The following UBE3D variants were observed in gnomAD, a reference collection of about 807,000 sequenced individuals.
The protein encoded by UBE3D is ubiquitin protein ligase E3D, also known as E3 ubiquitin-protein ligase E3D.
UBE3D carries 48 observed loss-of-function variants against 49.6 expected under a neutral mutation model. That is an observed-to-expected ratio of 0.97 (90% CI 0.77 to 1.23). The LOEUF (loss-of-function observed/expected upper bound fraction) is 1.23. Among genes scored for constraint, UBE3D ranks in the 50% most tolerant of loss-of-function variants. The pLI is 0.00. For missense variants in UBE3D, 452 were observed against 468.4 expected (o/e 0.96, Z 0.32); for synonymous variants, 189 against 174.2 (o/e 1.08, Z -0.67).
At chr6:83,011,056 T>C (rs950976994) in intron 8 of UBE3D, among the ~76,000 whole-genome samples, 6 of 152,158 alleles carry the variant, frequency 3.9e-5, no homozygotes, top group African/African-American at 1.4e-4. Context: ...AATAAGGTCA[T>C]AATTACGCCT....
chr6:82,996,703 A>G (rs893995011), intron 8 of UBE3D, among the ~76,000 whole-genome samples: 1 of 152,204 alleles, frequency 6.6e-6, no homozygotes, highest in Admixed American at 6.5e-5. Flanking sequence ...TTTTCTCCAA[A>G]CCCACAACCC....
At position 83,024,029 on chromosome 6, in the gene UBE3D, T is replaced by C; in HGVS notation, c.677A>G (p.Lys226Arg). The C allele has an allele frequency of 6.6e-7, 1 of 1,525,636 alleles. No homozygotes were observed. Among genetic ancestry groups the C allele is most frequent in the East Asian group, 2.4e-5 (1 of 41,944 alleles). 94.5% of individuals were successfully genotyped at this position (1,525,636 alleles called of 1,614,324 possible). Residue 226 changes from lysine (K) to arginine (R), a missense_variant, in exon 6 of 10, where the codon AAG (lysine) becomes AGG (arginine). Lys to Arg is a conservative substitution (Grantham distance 26). Coordinates refer to ENST00000369747, the MANE Select transcript of UBE3D (RefSeq NM_198920.3). The stretch of plus-strand genomic sequence containing the variant: ...AATAATTATCTCTGTCATATAAAAC[T>C]TGGTGGTTTCTAGAAACAAAAAAGA... ...LGETVSSETTKFYMTEIIIQS... is the reference protein window; with the variant it reads ...LGETVSSETTRFYMTEIIIQS...
chr6:82,982,407 A>G (rs1778175017), intron 8 of UBE3D, among the ~76,000 whole-genome samples: 1 of 152,178 alleles, frequency 6.6e-6, no homozygotes, highest in African/African-American at 2.4e-5. Context: ...TAAGGTCCAC[A>G]TATTATTAAT....
At chr6:82,975,841 C>T (rs576964986) in intron 8 of UBE3D, among the ~76,000 whole-genome samples, 168 of 152,118 alleles carry the variant, frequency 1.1e-3, no homozygotes, top group African/African-American at 3.9e-3. Context: ...AATGTATTAC[C>T]TATAAATTGA....
intron 2 of UBE3D, among the ~76,000 whole-genome samples, chr6:83,057,110 A>G (rs998028905): frequency 6.6e-6 from 1 of 152,208 alleles, no homozygotes; most frequent in African/African-American, 2.4e-5. Context: ...CAAATTAAGT[A>G]TCAAACTCAA....
At chr6:82,910,245 G>A (rs571106632) in intron 9 of UBE3D, among the ~76,000 whole-genome samples, 102 of 152,274 alleles carry the variant, frequency 6.7e-4, no homozygotes, top group African/African-American at 2.1e-3. Flanking sequence ...GACCATTCAT[G>A]TGGAAGCACA....
intron 8 of UBE3D, among the ~76,000 whole-genome samples, chr6:82,993,543 A>T (rs920036921): frequency 1.2e-4 from 18 of 152,276 alleles, no homozygotes; most frequent in African/African-American, 4.3e-4. Flanking sequence ...GATACCTAAT[A>T]CAATGCCTAC....
Position 83,065,261 on chromosome 6 carries a change from GAC to G in UBE3D, c.77+379_77+380del, listed in dbSNP as rs1784418868. On this transcript the variant is annotated intron_variant, in intron 1 of 9. Coordinates refer to ENST00000369747, the MANE Select transcript of UBE3D (RefSeq NM_198920.3). ...TCCAGTAAGGAGGATCCCGAAGAGA[GAC>G]AGACAAATCATTTTTTGCATTGTTT... Among the ~76,000 whole-genome samples the G allele has an allele frequency of 3.9e-5, 6 of 152,336 alleles. No homozygotes were observed. The East Asian group carries it at 1.2e-3, about 29-fold the overall frequency.
At chr6:83,052,024 T>G (rs751461523) in intron 3 of UBE3D, among the ~76,000 whole-genome samples, 27 of 152,106 alleles carry the variant, frequency 1.8e-4, no homozygotes, top group Non-Finnish European at 3.4e-4. Context: ...CTGAGGAGGA[T>G]GATGATGATG....
intron 9 of UBE3D, among the ~76,000 whole-genome samples, chr6:82,916,489 C>CTT (rs1241805350): frequency 6.6e-6 from 1 of 152,140 alleles, no homozygotes; most frequent in East Asian, 1.9e-4. Context: ...TGAAGGCTGG[C>CTT]ACAATCAGAA....
At chr6:82,985,008 C>CTTTTTTTTTTTTTTTTTTT (rs70987727) in intron 8 of UBE3D, among the ~76,000 whole-genome samples, 3 of 52,996 alleles carry the variant, frequency 5.7e-5, no homozygotes, top group African/African-American at 1.5e-4. Flanking sequence ...TCTTCTTCTT[C>CTTTTTTTTTTTTTTTTTTT]TTTTTTTTTT....
chr6:82,976,192 C>G (rs1024625079), intron 8 of UBE3D, among the ~76,000 whole-genome samples: 1 of 152,208 alleles, frequency 6.6e-6, no homozygotes, highest in Non-Finnish European at 1.5e-5. Flanking sequence ...CAACCAAACA[C>G]TCAACCTAAC....
chr6:82,972,148 C>T (rs889777428), intron 8 of UBE3D, among the ~76,000 whole-genome samples: 2 of 152,170 alleles, frequency 1.3e-5, no homozygotes, highest in Admixed American at 1.3e-4. Context: ...AGTTCCATTC[C>T]TACCCTCACA....
At chr6:82,973,572 C>T (rs1777502627) in intron 8 of UBE3D, among the ~76,000 whole-genome samples, 1 of 39,838 alleles carries the variant, frequency 2.5e-5, no homozygotes, top group African/African-American at 6.0e-5. Flanking sequence ...GAATTCTTAG[C>T]TTCTTTCCTT....
intron 9 of UBE3D, among the ~76,000 whole-genome samples, chr6:82,909,127 G>A (rs993713812): frequency 5.9e-5 from 9 of 152,254 alleles, no homozygotes; most frequent in Admixed American, 3.3e-4. Flanking sequence ...AACTGGCAAC[G>A]GACTTCTGTG....
At chr6:82,977,045 C>T (rs1416748708) in intron 8 of UBE3D, among the ~76,000 whole-genome samples, 4 of 125,128 alleles carry the variant, frequency 3.2e-5, no homozygotes, top group Non-Finnish European at 3.2e-5. Context: ...ACCCGGGAGG[C>T]GGAGCTTGCA....
intron 8 of UBE3D, among the ~76,000 whole-genome samples, chr6:83,003,356 A>C: frequency 6.6e-6 from 1 of 152,214 alleles, no homozygotes; most frequent in East Asian, 1.9e-4. Flanking sequence ...TCTGAAGAGA[A>C]TAACTGCTTT....
rs1164222104 is a variant in UBE3D, at chr6:82,939,964, C to T, written c.1149+17348G>A. 2.0e-5 allele frequency among the ~76,000 whole-genome samples: 3 copies of T among 152,194 alleles called. No individual in the cohort carries two copies. In the East Asian group the frequency reaches 5.8e-4, roughly 29 times the overall value. Reference sequence around the variant, plus strand: ...ATCAGACCTCCCCTACGAAGTGCTACAGAAAGCACAGAAACTGTCCAGCTT... The same window carrying T: ...ATCAGACCTCCCCTACGAAGTGCTATAGAAAGCACAGAAACTGTCCAGCTT... On this transcript the variant is annotated intron_variant, in intron 9 of 9. Transcript: ENST00000369747.
intron 9 of UBE3D, among the ~76,000 whole-genome samples, chr6:82,902,780 A>C (rs1471424807): frequency 6.6e-6 from 1 of 152,220 alleles, no homozygotes; most frequent in African/African-American, 2.4e-5. Context: ...TAAATTTTTC[A>C]GTAGTTTGTA....
Sources: allele counts gnomAD v4.1 joint callset (sites outside exome capture counted in the v4.1 genomes callset), GRCh38; gene constraint gnomAD v4.1.1; transcripts MANE v1.5; gene names NCBI Gene and HGNC (gene_info 2026-07-23, HGNC 2026-07-21).